The following TPM1 variants were observed in gnomAD, a reference collection of about 807,000 sequenced individuals.
The protein encoded by TPM1 is tropomyosin 1, also known as tropomyosin alpha-1 chain.
TPM1 carries 24 observed loss-of-function variants against 42.9 expected under a neutral mutation model. The observed-to-expected ratio is 0.56, with a 90% CI of 0.41 to 0.79. The LOEUF (loss-of-function observed/expected upper bound fraction) is 0.79, where lower values mean the gene tolerates loss of function less well. Among genes scored for constraint, TPM1 ranks in the 30% least tolerant of loss-of-function variants. The pLI is 0.00. For missense variants in TPM1, 158 were observed against 351.8 expected, an observed-to-expected ratio of 0.45 and a Z score of 4.41; for synonymous variants, 136 against 130.1, an observed-to-expected ratio of 1.05 and a Z score of -0.31.
At chr15:63,068,855 G>A (rs1332142063), downstream of TPM1, among the ~76,000 whole-genome samples, 2 of 152,274 alleles carry the variant, frequency 1.3e-5, no homozygotes, top group African/African-American at 4.8e-5. Context: ...TCTTCAAGAA[G>A]TAAGCAGATA....
At chr15:63,059,536 G>C (rs2035295916) in intron 3 of TPM1, 27 bp from the exon 4 acceptor site, 2 of 1,583,906 alleles carry the variant, frequency 1.3e-6, no homozygotes, top group African/African-American at 2.7e-5. Flanking sequence ...CTAAATCTTG[G>C]GTTTTCTTGC....
intron 5 of TPM1, chr15:63,061,360 G>A (rs757693430): frequency 7.7e-5 from 93 of 1,214,804 alleles, no homozygotes; most frequent in Non-Finnish European, 1.1e-4. Flanking sequence ...TTGGTATAAC[G>A]ACTGCACCTT....
At chr15:63,043,554 C>T in intron 1 of TPM1, 1 of 1,261,506 alleles carries the variant, frequency 7.9e-7, no homozygotes, top group South Asian at 1.3e-5. Context: ...GGTTCCAGCT[C>T]GGGTAAAGAG....
chr15:63,069,014 G>A (rs1036474073), downstream of TPM1, among the ~76,000 whole-genome samples: 11 of 152,038 alleles, frequency 7.2e-5, no homozygotes, highest in South Asian at 4.1e-4. Context: ...TTAGCCAGGC[G>A]TGGTGGCGGG....
chr15:63,043,319 CGTTGACTTTTGACTGGGGA>C (rs2031590377), intron 1 of TPM1: 1 of 536,024 alleles, frequency 1.9e-6, no homozygotes, highest in Admixed American at 2.3e-5. Flanking sequence ...GTTAGAAGTT[CGTTGACTTTTGACTGGGGA>C]GAAAGGAACC....
chr15:63,065,986 G>C lies in TPM1; in HGVS notation c.*87G>C, dbSNP rs760757735. 1.9e-6 allele frequency: 3 copies of C among 1,575,100 alleles called. No homozygotes were observed. The highest frequency in any genetic ancestry group is 2.6e-6 in the Non-Finnish European group (3 of 1,159,826). ...CTCTGCATTTGTCTATTCTCCAGCT[G>C]ACCCTGGTTCTCTCTCTTAGCATCC... On this transcript the variant is annotated 3_prime_UTR_variant, in exon 10 of 10. Transcript: ENST00000403994.
Position 63,062,446 on chromosome 15 carries a change from T to C in TPM1, c.703-130T>C, listed in dbSNP as rs559868711. 694 of 1,291,608 alleles carry C rather than the reference T, an allele frequency of 5.4e-4. 1 individual carries two copies. Among genetic ancestry groups the C allele is most frequent in the Non-Finnish European group, 7.1e-4 (641 of 897,016 alleles). The allele number at this position is 1,291,608 out of a possible 1,614,324, so 80.0% of individuals were successfully genotyped here. On this transcript the variant is annotated intron_variant, in intron 7 of 9. Transcript: ENST00000403994. ...AACTGCCATTTCTCACAGAGGTGAC[T>C]GAAACTGACAAGTAGTTTCTGATCC...
Position 63,057,080 on chromosome 15 carries a change from G to A in TPM1, c.336G>A (p.Lys112=). 2 of 1,614,234 alleles carry A rather than the reference G, an allele frequency of 1.2e-6. No individual in the cohort carries two copies. The highest frequency in any genetic ancestry group is 1.1e-5 in the South Asian group (1 of 91,088). ...AGCGTCTGGCAACAGCTTTGCAGAA[G>A]CTGGAGGAAGCTGAGAAGGCAGCAG... The part of the protein sequence containing the change: ...AQERLATALQ[K]LEEAEKAADE... Residue 112 remains lysine (K), a synonymous_variant, in exon 3 of 10, where the codon AAG becomes AAA. Transcript: ENST00000403994.
At chr15:63,051,900 T>G (rs971952742) in intron 2 of TPM1, among the ~76,000 whole-genome samples, 66 of 151,926 alleles carry the variant, frequency 4.3e-4, no homozygotes, top group African/African-American at 1.4e-3. Context: ...GTTGTTTTTT[T>G]TTTTTTTTTT....
chr15:63,063,107 CT>C, intron 8 of TPM1: 1 of 977,828 alleles, frequency 1.0e-6, no homozygotes, highest in Non-Finnish European at 1.2e-6. Flanking sequence ...TAACAAAATA[CT>C]TTATATCCTG....
Position 63,042,816 on chromosome 15 carries a change from T to A in TPM1, c.-14T>A. 6.2e-7 allele frequency: 1 copy of A among 1,610,638 alleles called. No homozygotes were observed. The highest frequency in any genetic ancestry group is 8.5e-7 in the Non-Finnish European group (1 of 1,177,798). ...GCTCCTGCTGCAGCCCCAGGGCCCC[T>A]CGCCGCCGCCACCATGGACGCCATC... On this transcript the variant is annotated 5_prime_UTR_variant, in exon 1 of 10. Transcript: ENST00000403994.
exon 9 of TPM1, chr15:63,071,812 C>T (rs1429522008): frequency 1.9e-5 from 3 of 155,402 alleles, no homozygotes; most frequent in Non-Finnish European, 4.3e-5. Flanking sequence ...AAGATTTAGA[C>T]ACCACATACA....
downstream of TPM1, chr15:63,070,570 G>C: frequency 9.9e-7 from 1 of 1,007,666 alleles, no homozygotes; most frequent in Non-Finnish European, 1.2e-6. Context: ...CTAATGAAGT[G>C]TGCATGAAAC....
chr15:63,061,501 T>C, intron 5 of TPM1: 1 of 717,838 alleles, frequency 1.4e-6, no homozygotes, highest in Admixed American at 2.1e-5. Flanking sequence ...TTCAAAGTTG[T>C]TGGATTTGGT....
intron 2 of TPM1, among the ~76,000 whole-genome samples, chr15:63,054,088 A>T (rs769752899): frequency 1.2e-4 from 18 of 151,646 alleles, no homozygotes; most frequent in Middle Eastern, 3.4e-3. Context: ...AAAAATTGAG[A>T]CCCTATTTTT....
chr15:63,051,374 G>A (rs2033826057), intron 2 of TPM1, among the ~76,000 whole-genome samples: 1 of 152,128 alleles, frequency 6.6e-6, no homozygotes, highest in African/African-American at 2.4e-5. Flanking sequence ...GTATACTCTC[G>A]ATTTCCGCTT....
At chr15:63,044,991 G>A (rs756385064) in intron 2 of TPM1, 7 of 151,834 alleles carry the variant, frequency 4.6e-5, no homozygotes, top group Admixed American at 1.3e-4. Flanking sequence ...CTTCTGCCTC[G>A]GAAAGTCAAG....
At chr15:63,063,986 G>C in intron 8 of TPM1, 78 bp from the exon 9 acceptor site, 1 of 1,585,668 alleles carries the variant, frequency 6.3e-7, no homozygotes, top group East Asian at 2.3e-5. Context: ...GATGGTGCGC[G>C]CACCACCCTC....
At chr15:63,070,740 A>G (rs2036561956), downstream of TPM1, 8 of 1,075,840 alleles carry the variant, frequency 7.4e-6, no homozygotes, top group South Asian at 2.4e-4. Flanking sequence ...TAACTTCTTC[A>G]GTTTGTATAA....
Sources: allele counts gnomAD v4.1 joint callset (sites outside exome capture counted in the v4.1 genomes callset), GRCh38; gene constraint gnomAD v4.1.1; transcripts MANE v1.5; gene names NCBI Gene and HGNC (gene_info 2026-07-23, HGNC 2026-07-21).